The following GRAP2 variants were observed in gnomAD, a reference collection of about 807,000 sequenced individuals.
The protein encoded by GRAP2 is GRB2 related adaptor protein 2, also known as GRB2-related adapter protein 2.
Under a neutral mutation model 43.5 loss-of-function variants are expected in GRAP2, and 31 were observed. The observed-to-expected ratio is 0.71, with a 90% confidence interval of 0.54 to 0.96. The LOEUF is 0.96. Ranked by LOEUF, GRAP2 falls within the 40% of genes least tolerant of loss-of-function variation. The pLI is 0.00. For missense variants in GRAP2, 371 were observed against 424.4 expected, an observed-to-expected ratio of 0.87 and a Z score of 1.11; for synonymous variants, 156 against 164.8, an observed-to-expected ratio of 0.95 and a Z score of 0.41.
chr22:39,949,183 C>T (rs1481057535), intron 2 of GRAP2, among the ~76,000 whole-genome samples: 1 of 152,170 alleles, frequency 6.6e-6, no homozygotes, highest in African/African-American at 2.4e-5. Context: ...ACCCAAGCCA[C>T]TCTTCTTTCC....
intron 1 of GRAP2, among the ~76,000 whole-genome samples, chr22:39,925,737 G>A (rs553348254): frequency 6.6e-6 from 1 of 152,158 alleles, no homozygotes; most frequent in East Asian, 1.9e-4. Flanking sequence ...TGCCCTAATT[G>A]AGATAGTTGA....
In GRAP2 at chr22:39,971,122, C is replaced by T. The variant is rs759041140; in HGVS notation, c.*38C>T. On this transcript the variant is annotated 3_prime_UTR_variant, in exon 8 of 8. Coordinates refer to ENST00000344138, the MANE Select transcript of GRAP2 (RefSeq NM_004810.4). ...ACAGAAGCTTTTTGTCTGGAGCTGC[C>T]CACAAGAAAGAGGGCAAGGAAAAAA... 6.6e-7 allele frequency: 1 copy of T among 1,526,708 alleles called. No homozygotes were observed. Among genetic ancestry groups the T allele is most frequent in the South Asian group, 1.2e-5 (1 of 85,404 alleles). 94.6% of individuals were successfully genotyped at this position (1,526,708 alleles called of 1,614,324 possible).
chr22:39,912,832 A>G (rs1327481269), intron 1 of GRAP2, among the ~76,000 whole-genome samples: 1 of 152,074 alleles, frequency 6.6e-6, no homozygotes, highest in Non-Finnish European at 1.5e-5. Flanking sequence ...CCAGCCACAG[A>G]TGAAAGGAGA....
At chr22:39,950,452 G>A (rs994157162) in intron 2 of GRAP2, among the ~76,000 whole-genome samples, 7 of 152,192 alleles carry the variant, frequency 4.6e-5, no homozygotes, top group African/African-American at 1.7e-4. Flanking sequence ...GCTGTGCAAG[G>A]GCAGGGGCTG....
chr22:39,964,712 TTG>T, intron 4 of GRAP2: 1 of 374,278 alleles, frequency 2.7e-6, no homozygotes, highest in South Asian at 7.1e-5. Flanking sequence ...GAATAAACTT[TTG>T]TAAAAAAAAA....
chr22:39,922,971 G>A (rs2066666073), intron 1 of GRAP2, among the ~76,000 whole-genome samples: 3 of 152,060 alleles, frequency 2.0e-5, no homozygotes, highest in Admixed American at 1.3e-4. Flanking sequence ...GAACCTAGGA[G>A]GCGGAGGTTG....
chr22:39,894,429 AG>A, the GRAP2 span, among the ~76,000 whole-genome samples: 3 of 47,168 alleles, frequency 6.4e-5, no homozygotes, highest in African/African-American at 1.8e-4. Context: ...GGGTGGGGGG[AG>A]GGGGGAGGGA....
At chr22:39,899,183 A>G (rs2066477223), upstream of GRAP2, among the ~76,000 whole-genome samples, 1 of 152,222 alleles carries the variant, frequency 6.6e-6, no homozygotes, top group African/African-American at 2.4e-5. Context: ...TACCAAAATA[A>G]CTTGCCTTTG....
intron 1 of GRAP2, among the ~76,000 whole-genome samples, chr22:39,924,944 C>G (rs1048602838): frequency 5.9e-5 from 9 of 152,204 alleles, no homozygotes; most frequent in African/African-American, 2.2e-4. Flanking sequence ...AGACAGTAAT[C>G]CTAAAGGAGA....
rs148132286 is a variant in GRAP2 at position 39,915,878 on chromosome 22, C to T, written c.-15+14548C>T. On this transcript the variant is annotated intron_variant, in intron 1 of 7. Transcript: ENST00000344138. ...ATTAGAAAATGGGGAGGGGCACGGA[C>T]GCTTCCATCAACAAGCTAGGGGCCT... 1.6e-3 allele frequency among the ~76,000 whole-genome samples: 249 copies of T among 152,262 alleles called. 2 individuals are homozygous for T. Among genetic ancestry groups the T allele is most frequent in the African/African-American group, 5.4e-3 (224 of 41,550 alleles).
At chr22:39,938,775 T>A (rs2066833413) in intron 1 of GRAP2, among the ~76,000 whole-genome samples, 1 of 152,250 alleles carries the variant, frequency 6.6e-6, no homozygotes, top group South Asian at 2.1e-4. Context: ...AGCCAGAGGA[T>A]GAATCGTTAT....
chr22:39,927,233 T>C (rs1037505532), intron 1 of GRAP2, among the ~76,000 whole-genome samples: 1 of 152,180 alleles, frequency 6.6e-6, no homozygotes, highest in African/African-American at 2.4e-5. Flanking sequence ...TGAGGCACAG[T>C]GCCCTGACTG....
intron 4 of GRAP2, among the ~76,000 whole-genome samples, chr22:39,961,780 G>A (rs544380963): frequency 1.4e-4 from 21 of 152,290 alleles, no homozygotes; most frequent in Non-Finnish European, 2.5e-4. Context: ...AGGAAATACC[G>A]ATCTGGTTTA....
intron 2 of GRAP2, 149 bp from the exon 3 acceptor site, chr22:39,955,670 T>A (rs903377448): frequency 1.9e-6 from 1 of 528,990 alleles, no homozygotes; most frequent in South Asian, 2.1e-5. Flanking sequence ...AGGCCTGGGG[T>A]AAATCCTAGA....
intron 1 of GRAP2, among the ~76,000 whole-genome samples, chr22:39,925,026 T>G (rs1347718630): frequency 2.6e-5 from 4 of 152,050 alleles, no homozygotes; most frequent in African/African-American, 9.7e-5. Flanking sequence ...TGGGAACATT[T>G]GTGAATCAAA....
chr22:39,901,208 T>C lies in GRAP2; in HGVS notation c.-137T>C, dbSNP rs541718390. On this transcript the variant is annotated 5_prime_UTR_variant, in exon 1 of 8. Transcript: ENST00000344138. ...GTGGTACATGGAAGACAGCACAAAG[T>C]GGATCCATACTCTGAAATGCAGTAA... 111 of 901,310 alleles carry C rather than the reference T, an allele frequency of 1.2e-4. No homozygotes were observed. The African/African-American group carries it at 1.9e-3, about 15-fold the overall frequency. The allele number at this position is 901,310 out of a possible 1,614,324, so 55.8% of individuals were successfully genotyped here.
intron 1 of GRAP2, among the ~76,000 whole-genome samples, chr22:39,905,307 A>C (rs574007812): frequency 5.9e-4 from 90 of 152,284 alleles, no homozygotes; most frequent in Non-Finnish European, 3.7e-4. Flanking sequence ...TGGACTCGAC[A>C]TGCAAATTCA....
At chr22:39,945,295 A>T (rs754194975) in intron 1 of GRAP2, among the ~76,000 whole-genome samples, 1 of 152,230 alleles carries the variant, frequency 6.6e-6, no homozygotes, top group African/African-American at 2.4e-5. Flanking sequence ...TTTGCTTAAC[A>T]TCTACCTTTG....
chr22:39,955,588 C>T (rs73165011), intron 2 of GRAP2, among the ~76,000 whole-genome samples: 6 of 152,218 alleles, frequency 3.9e-5, no homozygotes, highest in South Asian at 2.1e-4. Context: ...CATGAGTGGA[C>T]GGCACAAGTG....
Sources: gnomAD v4.1 joint callset for allele counts (sites outside exome capture counted in the v4.1 genomes callset) on GRCh38, gnomAD v4.1.1 for gene constraint, MANE v1.5 for transcripts, NCBI Gene and HGNC (gene_info 2026-07-23, HGNC 2026-07-21) for gene names.